Variants in MARCHF1 observed in about 807,000 individuals in gnomAD.
MARCHF1 encodes the protein E3 ubiquitin-protein ligase MARCHF1.
A neutral mutation model predicts 54.2 loss-of-function variants in MARCHF1; 40 were observed. The observed-to-expected ratio is 0.74, with a 90% CI of 0.57 to 0.96. MARCHF1 has a LOEUF of 0.96. MARCHF1 is among the 40% of genes least tolerant of loss of function. The pLI, the probability that MARCHF1 is intolerant of heterozygous loss-of-function variation, is 0.00. For synonymous variants in MARCHF1, 236 were observed against 236.3 expected (o/e 1.00, Z 0.01); for missense variants, 586 against 656.5 (o/e 0.89, Z 1.17).
At chr4:164,020,887 T>C (rs1205514948) in intron 2 of MARCHF1, among the ~76,000 whole-genome samples, 1 of 152,150 alleles carries the variant, frequency 6.6e-6, no homozygotes, top group East Asian at 1.9e-4. Flanking sequence ...ACTGTGATAG[T>C]GCTACTGCAC....
intron 1 of MARCHF1, among the ~76,000 whole-genome samples, chr4:164,327,602 C>A (rs1438643333): frequency 6.6e-6 from 1 of 152,154 alleles, no homozygotes; most frequent in East Asian, 1.9e-4. Context: ...CCCCTGTACT[C>A]CAAGTCCAGG....
intron 8 of MARCHF1, among the ~76,000 whole-genome samples, chr4:163,555,116 T>C (rs182141985): frequency 9.9e-5 from 15 of 152,130 alleles, no homozygotes; most frequent in African/African-American, 3.6e-4. Flanking sequence ...AATGGAAAAA[T>C]GTTTGTATAT....
At chr4:163,840,703 T>C (rs919384143) in intron 4 of MARCHF1, among the ~76,000 whole-genome samples, 1 of 152,092 alleles carries the variant, frequency 6.6e-6, no homozygotes, top group Non-Finnish European at 1.5e-5. Context: ...AATGTAAGCA[T>C]GGTGACTCTA....
intron 1 of MARCHF1, among the ~76,000 whole-genome samples, chr4:164,360,670 C>T (rs1413581781): frequency 6.6e-6 from 1 of 152,072 alleles, no homozygotes; most frequent in African/African-American, 2.4e-5. Flanking sequence ...GATTCTTACT[C>T]AGGTGATCCA....
At chr4:163,567,015 G>C (rs1357706324) in intron 8 of MARCHF1, among the ~76,000 whole-genome samples, 1 of 152,114 alleles carries the variant, frequency 6.6e-6, no homozygotes, top group African/African-American at 2.4e-5. Context: ...CATGAACCAG[G>C]AATTTAATCT....
intron 5 of MARCHF1, among the ~76,000 whole-genome samples, chr4:163,615,076 C>G (rs920604521): frequency 6.6e-6 from 1 of 151,964 alleles, no homozygotes; most frequent in Non-Finnish European, 1.5e-5. Context: ...AACTATAAGA[C>G]GACAAAGCCC....
At chr4:164,177,009 T>TATATAC (rs1553989397) in intron 1 of MARCHF1, among the ~76,000 whole-genome samples, 602 of 55,440 alleles carry the variant, frequency 0.011, 80 homozygotes, top group South Asian at 0.019. Context: ...TATATATATA[T>TATATAC]ACAAATGATA....
intron 3 of MARCHF1, among the ~76,000 whole-genome samples, chr4:163,979,939 T>A (rs563413193): frequency 6.6e-6 from 1 of 152,242 alleles, no homozygotes; most frequent in East Asian, 1.9e-4. Flanking sequence ...GTCAGATGAG[T>A]AGGTTGCGAA....
At chr4:164,074,995 T>C (rs543803422) in intron 2 of MARCHF1, among the ~76,000 whole-genome samples, 1 of 152,214 alleles carries the variant, frequency 6.6e-6, no homozygotes, top group African/African-American at 2.4e-5. Context: ...CTGTTTGTAA[T>C]GCTGACACTA....
chr4:163,636,565 A>T (rs1281023676), intron 5 of MARCHF1, among the ~76,000 whole-genome samples: 1 of 150,976 alleles, frequency 6.6e-6, no homozygotes, highest in Non-Finnish European at 1.5e-5. Context: ...TTCAAGGAGA[A>T]CTACAAACCA....
chr4:163,645,445 C>T (rs143193631), intron 5 of MARCHF1, among the ~76,000 whole-genome samples: 30 of 152,216 alleles, frequency 2.0e-4, no homozygotes, highest in Admixed American at 5.9e-4. Context: ...CTCCAGCAAA[C>T]GAGTCTATGG....
chr4:164,214,946 A>C (rs1348522781), intron 1 of MARCHF1, among the ~76,000 whole-genome samples: 2 of 152,072 alleles, frequency 1.3e-5, no homozygotes, highest in Non-Finnish European at 2.9e-5. Context: ...CTCAAACCTC[A>C]GATGGGCAGG....
At chr4:163,854,612 G>T (rs1266530156) in intron 3 of MARCHF1, among the ~76,000 whole-genome samples, 1 of 151,988 alleles carries the variant, frequency 6.6e-6, no homozygotes, top group Non-Finnish European at 1.5e-5. Context: ...TCGAATACAG[G>T]CCAGTGACAA....
chr4:163,921,845 T>C (rs1751436990), intron 3 of MARCHF1, among the ~76,000 whole-genome samples: 1 of 152,166 alleles, frequency 6.6e-6, no homozygotes, highest in Non-Finnish European at 1.5e-5. Context: ...CAAAGGTATT[T>C]TGTACCTCTA....
chr4:164,322,984 AT>A, intron 1 of MARCHF1, among the ~76,000 whole-genome samples: 1 of 152,104 alleles, frequency 6.6e-6, no homozygotes, highest in East Asian at 1.9e-4. Context: ...AATAGAATAA[AT>A]TATAAATGGC....
At chr4:163,688,710 A>G (rs1744347948) in intron 5 of MARCHF1, among the ~76,000 whole-genome samples, 1 of 152,152 alleles carries the variant, frequency 6.6e-6, no homozygotes, top group Admixed American at 6.6e-5. Context: ...CGGAGAAAAT[A>G]ATGATTGCTA....
chr4:163,632,473 G>A (rs1396047134), intron 5 of MARCHF1, among the ~76,000 whole-genome samples: 1 of 152,204 alleles, frequency 6.6e-6, no homozygotes, highest in African/African-American at 2.4e-5. Context: ...CCTAATCAAA[G>A]AAAGGGGTGA....
intron 4 of MARCHF1, among the ~76,000 whole-genome samples, chr4:163,708,351 T>G (rs1455984516): frequency 6.6e-6 from 1 of 152,108 alleles, no homozygotes; most frequent in African/African-American, 2.4e-5. Context: ...TTTTTTCCTT[T>G]CAGTTACCTA....
intron 1 of MARCHF1, among the ~76,000 whole-genome samples, chr4:164,315,741 T>G (rs1463311050): frequency 6.6e-6 from 1 of 152,206 alleles, no homozygotes; most frequent in African/African-American, 2.4e-5. Context: ...TGGGAGACTG[T>G]TAGTTATATG....
Sources: allele counts gnomAD v4.1 joint callset (sites outside exome capture counted in the v4.1 genomes callset), GRCh38; gene constraint gnomAD v4.1.1; transcripts MANE v1.5; gene names NCBI Gene and HGNC (gene_info 2026-07-23, HGNC 2026-07-21).